Variants in SLC4A10 observed in about 807,000 individuals in gnomAD.
SLC4A10 encodes the protein solute carrier family 4 member 10, also known as sodium-driven chloride bicarbonate exchanger.
SLC4A10 carries 42 observed loss-of-function variants against 137.7 expected under a neutral mutation model. The ratio of observed to expected loss-of-function variants is 0.30; its 90% CI spans 0.24 to 0.39. SLC4A10 has a LOEUF of 0.39. SLC4A10 is among the 10% of genes least tolerant of loss of function. The pLI, the probability that SLC4A10 is intolerant of heterozygous loss-of-function variation, is 1.00. For missense variants in SLC4A10, 925 were observed against 1,355.0 expected, an observed-to-expected ratio of 0.68 and a Z score of 4.98; for synonymous variants, 474 against 464.1, an observed-to-expected ratio of 1.02 and a Z score of -0.27.
intron 15 of SLC4A10, among the ~76,000 whole-genome samples, chr2:161,923,771 A>T (rs951885930): frequency 6.6e-6 from 1 of 152,044 alleles, no homozygotes; most frequent in Non-Finnish European, 1.5e-5. Context: ...ACATGTATAC[A>T]TATGTAACAA....
In SLC4A10 at chr2:161,774,651, G is replaced by C. The variant is rs114339226; in HGVS notation, c.130+3597G>C. 3.8e-3 allele frequency among the ~76,000 whole-genome samples: 573 copies of C among 151,932 alleles called. 3 individuals carry two copies. The highest frequency in any genetic ancestry group is 0.013 in the African/African-American group (544 of 41,498). ...GTACATGACCCTGTAGTCAATGAAG[G>C]CTTACAAAAGCCTAGCCCCCTTGCC... On this transcript the variant is annotated intron_variant, in intron 2 of 26. Transcript: ENST00000446997.
intron 15 of SLC4A10, among the ~76,000 whole-genome samples, chr2:161,927,621 A>T (rs1689418238): frequency 6.6e-6 from 1 of 152,222 alleles, no homozygotes; most frequent in South Asian, 2.1e-4. Context: ...CAACCTACTC[A>T]TCTGACAAAG....
In SLC4A10 at chr2:161,905,725, A is replaced by T; in HGVS notation, c.1835A>T (p.Asp612Val). 6.2e-7 allele frequency: 1 copy of T among 1,613,980 alleles called. No homozygotes were observed. Among genetic ancestry groups the T allele is most frequent in the Non-Finnish European group, 8.5e-7 (1 of 1,179,884 alleles). ...CTATGTATCATACTTGTGGCCACAG[A>T]TGCTAGTTCCCTTGTCTGCTACATC... Reference protein sequence around the residue: ...ATLCIILVATDASSLVCYITR... With the variant: ...ATLCIILVATVASSLVCYITR... Residue 612 changes from aspartate (D) to valine (V), a missense_variant, in exon 15 of 27, where the codon GAT (aspartate) becomes GTT (valine). Around this residue, in one of 11 missense-constraint regions of SLC4A10, gnomAD observed 61 missense variants for 168.0 expected, o/e 0.36. Coordinates refer to ENST00000446997, the MANE Select transcript of SLC4A10 (RefSeq NM_001178015.2).
chr2:161,892,246 A>C (rs1233851119), intron 10 of SLC4A10, among the ~76,000 whole-genome samples: 1 of 152,074 alleles, frequency 6.6e-6, no homozygotes, highest in Non-Finnish European at 1.5e-5. Context: ...AAATGTGATC[A>C]AATTAAGAAA....
intron 3 of SLC4A10, among the ~76,000 whole-genome samples, chr2:161,811,419 T>C (rs2056540242): frequency 6.6e-6 from 1 of 151,982 alleles, no homozygotes; most frequent in African/African-American, 2.4e-5. Flanking sequence ...GCCATACTTA[T>C]GTTGGGGTTC....
At chr2:161,946,970 A>G (rs1382279633) in intron 16 of SLC4A10, among the ~76,000 whole-genome samples, 1 of 152,038 alleles carries the variant, frequency 6.6e-6, no homozygotes, top group African/African-American at 2.4e-5. Flanking sequence ...CAGCTTTTGG[A>G]CTAGATAATT....
intron 1 of SLC4A10, among the ~76,000 whole-genome samples, chr2:161,751,710 C>T (rs936069177): frequency 6.6e-6 from 1 of 151,666 alleles, no homozygotes; most frequent in Non-Finnish European, 1.5e-5. Context: ...ATTGCAAATG[C>T]CTTTTTAATT....
chr2:161,782,744 TAAAG>T (rs2053185097), intron 2 of SLC4A10, among the ~76,000 whole-genome samples: 1 of 143,602 alleles, frequency 7.0e-6, no homozygotes, highest in African/African-American at 2.6e-5. Context: ...TAGATCAAGC[TAAAG>T]AAAGAATCAG....
chr2:161,904,661 A>T, intron 13 of SLC4A10, 115 bp from the exon 14 acceptor site: 4 of 1,337,032 alleles, frequency 3.0e-6, no homozygotes, highest in Non-Finnish European at 4.1e-6. Context: ...CAGGGTTGCT[A>T]GACTTTTCAG....
chr2:161,921,756 C>A (rs1027498737), intron 15 of SLC4A10, among the ~76,000 whole-genome samples: 1 of 152,164 alleles, frequency 6.6e-6, no homozygotes, highest in Non-Finnish European at 1.5e-5. Context: ...ATACAATAAA[C>A]GGTAAATGGG....
At chr2:161,642,411 G>C (rs2035437812) in intron 1 of SLC4A10, among the ~76,000 whole-genome samples, 1 of 151,676 alleles carries the variant, frequency 6.6e-6, no homozygotes, top group Non-Finnish European at 1.5e-5. Context: ...AATCTCAGAT[G>C]GTTCCATAAA....
intron 6 of SLC4A10, among the ~76,000 whole-genome samples, chr2:161,867,830 T>C (rs2060858184): frequency 6.6e-6 from 1 of 151,970 alleles, no homozygotes; most frequent in African/African-American, 2.4e-5. Context: ...GTCATTCATC[T>C]TTATATTTCT....
intron 23 of SLC4A10, among the ~76,000 whole-genome samples, chr2:161,965,901 T>C (rs1347136647): frequency 1.3e-5 from 2 of 152,142 alleles, no homozygotes; most frequent in Non-Finnish European, 2.9e-5. Context: ...GAAAAATAAC[T>C]AGCGTAACAT....
chr2:161,704,631 G>A (rs2043460611), intron 1 of SLC4A10, among the ~76,000 whole-genome samples: 1 of 151,436 alleles, frequency 6.6e-6, no homozygotes, highest in Non-Finnish European at 1.5e-5. Context: ...TATTTCTTTT[G>A]TTGTATGTTT....
chr2:161,778,511 G>T (rs898807664), intron 2 of SLC4A10, among the ~76,000 whole-genome samples: 2 of 151,792 alleles, frequency 1.3e-5, no homozygotes, highest in African/African-American at 4.8e-5. Context: ...TGCATTGAGT[G>T]CCATTCATAT....
chr2:161,941,057 C>T (rs1692598337), intron 15 of SLC4A10, among the ~76,000 whole-genome samples: 1 of 152,114 alleles, frequency 6.6e-6, no homozygotes. Flanking sequence ...CAATCTAGAA[C>T]AGAATAGCTG....
intron 11 of SLC4A10, among the ~76,000 whole-genome samples, chr2:161,898,142 T>C (rs1288908551): frequency 6.6e-6 from 1 of 152,140 alleles, no homozygotes; most frequent in Non-Finnish European, 1.5e-5. Flanking sequence ...TGTTTTAACC[T>C]CTCTGTTGAT....
chr2:161,746,798 G>C (rs1210335304), intron 1 of SLC4A10, among the ~76,000 whole-genome samples: 1 of 152,162 alleles, frequency 6.6e-6, no homozygotes, highest in Non-Finnish European at 1.5e-5. Context: ...TAGTCAGCAG[G>C]TGATGAATTC....
chr2:161,719,428 G>A (rs923764573), intron 1 of SLC4A10, among the ~76,000 whole-genome samples: 2 of 152,150 alleles, frequency 1.3e-5, no homozygotes, highest in Non-Finnish European at 2.9e-5. Context: ...GTAATGGGAT[G>A]GCTGGGTCAA....
Sources: gnomAD v4.1 joint callset for allele counts (sites outside exome capture counted in the v4.1 genomes callset) on GRCh38, gnomAD v4.1.1 for gene constraint, gnomAD v4.1.1 regional missense constraint, MANE v1.5 for transcripts, NCBI Gene and HGNC (gene_info 2026-07-23, HGNC 2026-07-21) for gene names.